The following TLN2 variants were observed in gnomAD, a reference collection of about 807,000 sequenced individuals.
TLN2 encodes the protein talin-2.
TLN2 carries 118 observed loss-of-function variants against 294.7 expected under a neutral mutation model. The ratio of observed to expected loss-of-function variants is 0.40; its 90% CI spans 0.34 to 0.47. The LOEUF is 0.47. TLN2 is among the 20% of genes least tolerant of loss of function. The pLI is 0.84. For missense variants in TLN2, 3,083 were observed against 3,282.2 expected (o/e 0.94, Z 1.48); for synonymous variants, 1,431 against 1,304.5 (o/e 1.10, Z -2.09).
intron 54 of TLN2, chr15:62,824,102 C>A: frequency 2.4e-6 from 1 of 424,310 alleles, no homozygotes; most frequent in Non-Finnish European, 4.9e-6. Context: ...GTTAAAATCA[C>A]AAGTAGATTT....
At position 62,652,098 on chromosome 15, in the gene TLN2, G is replaced by A. The variant is rs1338633435; in HGVS notation, c.328G>A (p.Val110Met). 6.2e-7 allele frequency: 1 copy of A among 1,608,302 alleles called. No individual in the cohort carries two copies. The highest frequency in any genetic ancestry group is 1.3e-5 in the African/African-American group (1 of 74,882). ...AGTGATGGTGGATGATTCCAAGACT[G>A]TGGGGGAGCTCCTGGTCACTATTTG... ...KTVMVDDSKT[V>M]GELLVTICSR... Residue 110 changes from valine (V) to methionine (M), a missense_variant, in exon 6 of 59, where the codon GTG (valine) becomes ATG (methionine). Val to Met is a conservative substitution (Grantham distance 21). Coordinates refer to ENST00000636159, the MANE Select transcript of TLN2 (RefSeq NM_015059.3).
In TLN2 at chr15:62,532,498, A is replaced by C. The variant is rs563517873; in HGVS notation, c.-237-57189A>C. Among the ~76,000 whole-genome samples, 54 of 152,328 alleles carry C rather than the reference A, an allele frequency of 3.5e-4. 1 individual carries two copies. The South Asian group carries it at 0.011, about 30-fold the overall frequency. On this transcript the variant is annotated intron_variant, in intron 1 of 58. Coordinates refer to ENST00000636159, the MANE Select transcript of TLN2 (RefSeq NM_015059.3). ...CCCAGCCAGCAGTGAACTGCTCTCCAGAGCCCTTTACGACATGCTGCCCAC... is the reference window on the plus strand; with the variant it reads ...CCCAGCCAGCAGTGAACTGCTCTCCCGAGCCCTTTACGACATGCTGCCCAC...
At chr15:62,761,932 A>G (rs2062702897) in intron 38 of TLN2, 111 bp downstream of exon 38, 3 of 1,405,040 alleles carry the variant, frequency 2.1e-6, no homozygotes, top group South Asian at 2.5e-5. Context: ...CATGTAGGCT[A>G]CTGTTACTCT....
chr15:62,449,182 A>G (rs1002311011), intron 1 of TLN2, among the ~76,000 whole-genome samples: 2 of 152,214 alleles, frequency 1.3e-5, no homozygotes, highest in Non-Finnish European at 2.9e-5. Context: ...CTGGCGATGC[A>G]GCAAGTCTTA....
chr15:62,647,200 C>A, intron 3 of TLN2, 75 bp from the exon 4 acceptor site: 22 of 1,364,396 alleles, frequency 1.6e-5, no homozygotes, highest in Non-Finnish European at 2.2e-5. Context: ...TAAAGTCCAG[C>A]ACTTTTTTTG....
chr15:62,658,147 T>C (rs1175556232), intron 9 of TLN2: 2 of 220,284 alleles, frequency 9.1e-6, no homozygotes, highest in Non-Finnish European at 1.8e-5. Context: ...TTTTTCCTTC[T>C]ACTTCGTCTT....
intron 1 of TLN2, among the ~76,000 whole-genome samples, chr15:62,513,647 G>A (rs2040042618): frequency 6.6e-6 from 1 of 152,298 alleles, no homozygotes; most frequent in Admixed American, 6.5e-5. Context: ...CAGGGTGATA[G>A]TGATGATGAA....
chr15:62,828,653 C>T (rs971255554), intron 54 of TLN2: 2 of 152,236 alleles, frequency 1.3e-5, no homozygotes, highest in African/African-American at 2.4e-5. Flanking sequence ...TTGCTCATAG[C>T]TGTGTATGCA....
At chr15:62,613,485 A>G (rs1474570886) in intron 2 of TLN2, among the ~76,000 whole-genome samples, 2 of 152,176 alleles carry the variant, frequency 1.3e-5, no homozygotes, top group African/African-American at 4.8e-5. Context: ...GAGAATGGAA[A>G]ATGGTACAAC....
intron 1 of TLN2, among the ~76,000 whole-genome samples, chr15:62,444,389 G>A (rs1035634209): frequency 3.9e-5 from 6 of 152,244 alleles, no homozygotes; most frequent in Admixed American, 6.5e-5. Context: ...TCCATGAAGC[G>A]GCATAGGCCT....
intron 36 of TLN2, 185 bp from the exon 37 acceptor site, chr15:62,755,347 T>C (rs1458295908): frequency 1.5e-6 from 1 of 658,156 alleles, no homozygotes; most frequent in African/African-American, 1.8e-5. Context: ...TTCTTTATTA[T>C]CTGTGCTTAA....
intron 29 of TLN2, among the ~76,000 whole-genome samples, chr15:62,737,815 T>G (rs2061109226): frequency 6.6e-6 from 1 of 152,204 alleles, no homozygotes; most frequent in Non-Finnish European, 1.5e-5. Flanking sequence ...CAAGGTCTCC[T>G]TCCACCTCGG....
chr15:62,743,963 C>A (rs1479268740), intron 32 of TLN2, among the ~76,000 whole-genome samples: 3 of 152,172 alleles, frequency 2.0e-5, no homozygotes, highest in Non-Finnish European at 4.4e-5. Context: ...CTCCTCCTGT[C>A]CCCAAAGACT....
At chr15:62,839,039 A>G (rs1299973983) in intron 58 of TLN2, 58 bp downstream of exon 58, 2 of 1,494,482 alleles carry the variant, frequency 1.3e-6, no homozygotes, top group Non-Finnish European at 1.8e-6. Context: ...GGGTTATAAC[A>G]GAGACAAAAG....
chr15:62,617,696 A>G (rs1003699719), intron 2 of TLN2, among the ~76,000 whole-genome samples: 1 of 152,186 alleles, frequency 6.6e-6, no homozygotes, highest in African/African-American at 2.4e-5. Flanking sequence ...TGTCTGCTAC[A>G]CTGAATGGCT....
At chr15:62,391,718 C>A (rs1162783311) in intron 1 of TLN2, among the ~76,000 whole-genome samples, 1 of 152,228 alleles carries the variant, frequency 6.6e-6, no homozygotes, top group Non-Finnish European at 1.5e-5. Flanking sequence ...CGGACTACAG[C>A]GCGTCGCCAC....
intron 1 of TLN2, among the ~76,000 whole-genome samples, chr15:62,501,934 C>A (rs2039330787): frequency 6.6e-6 from 1 of 152,196 alleles, no homozygotes; most frequent in Non-Finnish European, 1.5e-5. Context: ...AAGATACTAG[C>A]TGAAAGCCAA....
At chr15:62,603,714 G>T (rs996470465) in intron 2 of TLN2, among the ~76,000 whole-genome samples, 1 of 152,178 alleles carries the variant, frequency 6.6e-6, no homozygotes, top group Non-Finnish European at 1.5e-5. Flanking sequence ...CAGAGCTTTG[G>T]AGCAAGAAAG....
intron 1 of TLN2, among the ~76,000 whole-genome samples, chr15:62,399,217 C>T (rs908968678): frequency 7.9e-6 from 1 of 127,214 alleles, no homozygotes; most frequent in Non-Finnish European, 1.6e-5. Context: ...TGCGCCACTG[C>T]ACTCTAGCCT....
Sources: gnomAD v4.1 joint callset for allele counts (sites outside exome capture counted in the v4.1 genomes callset) on GRCh38, gnomAD v4.1.1 for gene constraint, MANE v1.5 for transcripts, NCBI Gene and HGNC (gene_info 2026-07-23, HGNC 2026-07-21) for gene names.